RNF115: variants seen among roughly 807,000 people sequenced by gnomAD.
RNF115 encodes the protein ring finger protein 115.
In RNF115, 31 loss-of-function variants were observed where a neutral mutation model predicts 39.2. That is an observed-to-expected ratio of 0.79 (90% confidence interval 0.59 to 1.07). The LOEUF is 1.07. Ranked by LOEUF, RNF115 falls within the 50% of genes least tolerant of loss-of-function variation. The probability of loss-of-function intolerance (pLI) is 0.00; values close to 1 mark genes in which losing one functional copy is unlikely to be tolerated. For synonymous variants in RNF115, 124 were observed against 131.0 expected, an observed-to-expected ratio of 0.95 and a Z score of 0.37; for missense variants, 384 against 381.7, an observed-to-expected ratio of 1.01 and a Z score of -0.05.
At chr1:145,789,273 T>A (rs12752150) in intron 1 of RNF115, among the ~76,000 whole-genome samples, 1 of 152,130 alleles carries the variant, frequency 6.6e-6, no homozygotes, top group Non-Finnish European at 1.5e-5. Context: ...TAATTTTTTT[T>A]ATTTTTTGTA....
At chr1:145,754,320 CA>C (rs1658214725) in intron 4 of RNF115, among the ~76,000 whole-genome samples, 1 of 151,168 alleles carries the variant, frequency 6.6e-6, no homozygotes, top group Non-Finnish European at 1.5e-5. Flanking sequence ...TCTACTCTCT[CA>C]GCAATTTTCA....
At chr1:145,782,987 A>G (rs1648217132) in intron 3 of RNF115, among the ~76,000 whole-genome samples, 2 of 152,158 alleles carry the variant, frequency 1.3e-5, no homozygotes, top group South Asian at 4.1e-4. Context: ...TCAGCCTACC[A>G]TGTAGCTAGG....
At chr1:145,764,580 G>A (rs587753404) in intron 4 of RNF115, among the ~76,000 whole-genome samples, 35 of 151,396 alleles carry the variant, frequency 2.3e-4, no homozygotes, top group African/African-American at 8.2e-4. Context: ...CCCCGTCTGA[G>A]AAGTGAGGAT....
chr1:145,770,694 C>G (rs1553715615), intron 4 of RNF115, among the ~76,000 whole-genome samples: 1 of 152,078 alleles, frequency 6.6e-6, no homozygotes, highest in Non-Finnish European at 1.5e-5. Flanking sequence ...AAAATGAAAA[C>G]AGCAATAGCA....
intron 1 of RNF115, among the ~76,000 whole-genome samples, chr1:145,795,660 G>T (rs1281889584): frequency 6.6e-6 from 1 of 152,150 alleles, no homozygotes; most frequent in Non-Finnish European, 1.5e-5. Flanking sequence ...AACCACTACA[G>T]CTCCCGCACA....
rs1316871977 is a variant in RNF115, at chr1:145,740,222, T to C, written c.*6644A>G. On this transcript the variant is annotated 3_prime_UTR_variant, in exon 9 of 9. Coordinates refer to ENST00000582693, the MANE Select transcript of RNF115 (RefSeq NM_014455.4). ...GGAAGTCTCAGAAGATATATCCAAC[T>C]ATAGGAAAAGTTTCAGCCATTGTAC... The C allele has an allele frequency of 6.6e-6, 1 of 152,232 alleles. No homozygotes were observed. The highest frequency in any genetic ancestry group is 2.4e-5 in the African/African-American group (1 of 41,454). The allele number at this position is 152,232 out of a possible 1,614,324, so 9.4% of individuals were successfully genotyped here.
intron 1 of RNF115, among the ~76,000 whole-genome samples, chr1:145,795,076 T>C (rs1648905759): frequency 6.6e-6 from 1 of 151,100 alleles, no homozygotes. Context: ...GATGTTCAGA[T>C]GTGTCTGGGG....
At chr1:145,766,602 G>A (rs1647288829) in intron 4 of RNF115, among the ~76,000 whole-genome samples, 1 of 151,162 alleles carries the variant, frequency 6.6e-6, no homozygotes. Context: ...CTCCCGGACG[G>A]GGCGGCTGGC....
chr1:145,786,259 A>G (rs1251412720), intron 2 of RNF115, among the ~76,000 whole-genome samples: 4 of 152,220 alleles, frequency 2.6e-5, no homozygotes, highest in Admixed American at 2.6e-4. Context: ...TTAAGAGCAG[A>G]TGGAGCCCAT....
intron 3 of RNF115, 94 bp downstream of exon 3, chr1:145,784,445 T>G (rs1422218606): frequency 1.4e-5 from 16 of 1,119,454 alleles, no homozygotes; most frequent in African/African-American, 3.1e-5. Flanking sequence ...TCAGTTAAAC[T>G]CTGATGTTGT....
chr1:145,820,855 T>A (rs2101618150), intron 1 of RNF115, among the ~76,000 whole-genome samples: 1 of 149,560 alleles, frequency 6.7e-6, no homozygotes, highest in East Asian at 2.0e-4. Flanking sequence ...ATTTAACCAT[T>A]CAGTGTATAC....
intron 1 of RNF115, among the ~76,000 whole-genome samples, chr1:145,796,588 T>C (rs1342125): frequency 0.85 from 129,209 of 152,090 alleles, 55,284 homozygotes; most frequent in African/African-American, 0.95. Context: ...GGCTTCACCA[T>C]GTTGCCCAGG....
intron 1 of RNF115, among the ~76,000 whole-genome samples, chr1:145,821,309 AC>A (rs1650224098): frequency 7.6e-6 from 1 of 131,442 alleles, no homozygotes; most frequent in African/African-American, 2.6e-5. Context: ...AATATATCAC[AC>A]CAAAAAGATC....
intron 2 of RNF115, among the ~76,000 whole-genome samples, chr1:145,785,608 A>T (rs1227316737): frequency 2.0e-5 from 3 of 152,202 alleles, no homozygotes; most frequent in Non-Finnish European, 4.4e-5. Flanking sequence ...ACACTTAAGC[A>T]CACAAACATA....
chr1:145,767,622 A>G (rs7413581), intron 4 of RNF115, among the ~76,000 whole-genome samples: 71,222 of 151,914 alleles, frequency 0.47, 17,058 homozygotes, highest in East Asian at 0.7. Flanking sequence ...CAAGGCAGGC[A>G]GCTGGGAGGT....
chr1:145,776,329 T>G (rs1161724693), intron 3 of RNF115, among the ~76,000 whole-genome samples: 2 of 151,666 alleles, frequency 1.3e-5, no homozygotes, highest in African/African-American at 4.8e-5. Context: ...CATGCCCGAC[T>G]AATTTTTTAT....
At chr1:145,755,335 A>G (rs1658257651) in intron 4 of RNF115, among the ~76,000 whole-genome samples, 1 of 152,030 alleles carries the variant, frequency 6.6e-6, no homozygotes, top group African/African-American at 2.4e-5. Context: ...AAGCAGTCCT[A>G]TAGAAAGGTC....
chr1:145,789,025 G>A (rs1476676772), intron 1 of RNF115, 59 bp from the exon 2 acceptor site: 2 of 1,062,878 alleles, frequency 1.9e-6, no homozygotes, highest in African/African-American at 1.6e-5. Context: ...CGTGGTATCT[G>A]TAGTTTCAGA....
At chr1:145,758,963 T>C (rs969512901) in intron 4 of RNF115, among the ~76,000 whole-genome samples, 2 of 152,202 alleles carry the variant, frequency 1.3e-5, no homozygotes, top group Non-Finnish European at 2.9e-5. Flanking sequence ...GAAGATAGTG[T>C]ATACATTTAA....
Sources: allele counts gnomAD v4.1 joint callset (sites outside exome capture counted in the v4.1 genomes callset), GRCh38; gene constraint gnomAD v4.1.1; transcripts MANE v1.5; gene names NCBI Gene and HGNC (gene_info 2026-07-23, HGNC 2026-07-21).